The following GAS2L3 variants were observed in gnomAD, a reference collection of about 807,000 sequenced individuals.
GAS2L3 encodes the protein GAS2-like protein 3.
GAS2L3 carries 28 observed loss-of-function variants against 37.0 expected under a neutral mutation model. That is an observed-to-expected ratio of 0.76 (90% CI 0.56 to 1.04). The LOEUF is 1.04. GAS2L3 is among the 50% of genes least tolerant of loss of function. GAS2L3 has a pLI of 0.00. For missense variants in GAS2L3, 793 were observed against 817.6 expected (o/e 0.97, Z 0.37); for synonymous variants, 290 against 296.6 (o/e 0.98, Z 0.23).
At chr12:100,592,108 G>A (rs1372780787) in intron 2 of GAS2L3, among the ~76,000 whole-genome samples, 5 of 151,884 alleles carry the variant, frequency 3.3e-5, no homozygotes, top group Admixed American at 2.0e-4. Flanking sequence ...TGTTCTTACC[G>A]CTTATCTTGA....
At chr12:100,593,375 G>T (rs1955870627) in intron 2 of GAS2L3, among the ~76,000 whole-genome samples, 1 of 152,138 alleles carries the variant, frequency 6.6e-6, no homozygotes, top group Non-Finnish European at 1.5e-5. Context: ...CAAGAAGGAT[G>T]ATTTTAAAAA....
intron 5 of GAS2L3, among the ~76,000 whole-genome samples, chr12:100,605,276 G>T (rs1956042437): frequency 6.6e-6 from 1 of 151,726 alleles, no homozygotes; most frequent in Admixed American, 6.6e-5. Flanking sequence ...CTTGTTATTG[G>T]TCTGTTCAGG....
intron 5 of GAS2L3, among the ~76,000 whole-genome samples, chr12:100,604,144 T>C (rs1452407495): frequency 1.3e-5 from 2 of 152,116 alleles, no homozygotes; most frequent in Non-Finnish European, 2.9e-5. Flanking sequence ...AAAAACATCA[T>C]TGGTATTTTG....
rs1565815011 is a variant in GAS2L3 at position 100,623,579 on chromosome 12, T to C, written c.774T>C (p.His258=). Residue 258 remains histidine (H), a synonymous_variant, in exon 10 of 10, where the codon CAT becomes CAC. Coordinates refer to ENST00000547754, the MANE Select transcript of GAS2L3 (RefSeq NM_174942.3). ...GGGGGCAGATGCTTCATGGAAAACA[T>C]GTCATGGTTCGCGTTGGTGGAGGCT... ...ILFIRMLHGK[H]VMVRVGGGWD... 2 of 1,601,716 alleles carry C rather than the reference T, an allele frequency of 1.2e-6. No individual in the cohort carries two copies. The highest frequency in any genetic ancestry group is 8.5e-7 in the Non-Finnish European group (1 of 1,174,610).
intron 8 of GAS2L3, among the ~76,000 whole-genome samples, chr12:100,620,035 A>C (rs1482045928): frequency 6.6e-6 from 1 of 152,058 alleles, no homozygotes; most frequent in Non-Finnish European, 1.5e-5. Context: ...TTGGCAATGG[A>C]AAATGATGTA....
At position 100,612,061 on chromosome 12, in the gene GAS2L3, G is replaced by T; in HGVS notation, c.365G>T (p.Arg122Leu). Residue 122 changes from arginine (R) to leucine (L), a missense_variant, in exon 6 of 10, where the codon CGG (arginine) becomes CTG (leucine). By Grantham distance (102) the Arg-to-Leu change is moderately radical (BLOSUM62 -2). Coordinates refer to ENST00000547754, the MANE Select transcript of GAS2L3 (RefSeq NM_174942.3). ...KDAASGSFFA[R>L]DNTANFLHWC... Reference sequence around the variant, plus strand: ...GCTGCATCAGGTTCATTCTTTGCTCGGGACAATACCGCAAACTTCCTTCAC... The same window carrying T: ...GCTGCATCAGGTTCATTCTTTGCTCTGGACAATACCGCAAACTTCCTTCAC... The T allele has an allele frequency of 6.2e-7, 1 of 1,611,316 alleles. No individual in the cohort carries two copies. The highest frequency in any genetic ancestry group is 8.5e-7 in the Non-Finnish European group (1 of 1,177,524).
At chr12:100,584,462 C>T (rs568538142) in intron 1 of GAS2L3, among the ~76,000 whole-genome samples, 1 of 152,196 alleles carries the variant, frequency 6.6e-6, no homozygotes, top group Non-Finnish European at 1.5e-5. Context: ...TGATGTCATT[C>T]TTTCCAATGG....
At chr12:100,613,047 C>T (rs74777464) in intron 6 of GAS2L3, among the ~76,000 whole-genome samples, 2,877 of 152,134 alleles carry the variant, frequency 0.019, 76 homozygotes, top group African/African-American at 0.06. Context: ...CTATTTTATC[C>T]CTCTGTTTGC....
chr12:100,617,546 CT>C (rs1956202585), intron 6 of GAS2L3, among the ~76,000 whole-genome samples, 197 bp from the exon 7 acceptor site: 1 of 151,954 alleles, frequency 6.6e-6, no homozygotes, highest in Non-Finnish European at 1.5e-5. Flanking sequence ...TCATTCTGTT[CT>C]TATTAGCTGT....
chr12:100,612,725 A>G (rs575322678), intron 6 of GAS2L3, among the ~76,000 whole-genome samples: 5 of 152,322 alleles, frequency 3.3e-5, no homozygotes, highest in African/African-American at 1.2e-4. Flanking sequence ...GAAAGCATTT[A>G]TATATGTGTA....
rs1174830014 is a variant in GAS2L3, at chr12:100,624,737, G to A, written c.1932G>A (p.Gly644=). ...TVAKSQHSTK[G]PPRSGKTPAS... ...CTAAGAGCCAGCATTCAACTAAAGG[G>A]CCTCCCAGAAGTGGCAAAACCCCAG... is the stretch of plus-strand genomic sequence containing the variant. The change falls in exon 10 of 10, where the codon GGG becomes GGA. Residue 644 remains glycine, a synonymous_variant. Transcript: ENST00000547754. The A allele has an allele frequency of 1.9e-6, 3 of 1,613,798 alleles. No homozygotes were observed. The highest frequency in any genetic ancestry group is 2.7e-5 in the African/African-American group (2 of 74,854).
At chr12:100,585,577 A>T (rs186313258) in intron 1 of GAS2L3, among the ~76,000 whole-genome samples, 1 of 152,260 alleles carries the variant, frequency 6.6e-6, no homozygotes, top group Admixed American at 6.5e-5. Flanking sequence ...TGACCCATGT[A>T]TGCTGTGTAT....
At chr12:100,607,915 C>G (rs2114908) in intron 5 of GAS2L3, among the ~76,000 whole-genome samples, 77,714 of 151,830 alleles carry the variant, frequency 0.51, 20,318 homozygotes, top group South Asian at 0.71. Context: ...CAGGATTGGT[C>G]CCTGGTACCT....
intron 2 of GAS2L3, chr12:100,592,421 C>CA (rs1565801075): frequency 6.6e-6 from 1 of 152,000 alleles, no homozygotes; most frequent in African/African-American, 2.4e-5. Context: ...CCCATCATAC[C>CA]GTATAACGTG....
In GAS2L3 at chr12:100,625,869, A is replaced by G. The variant is rs1956327103; in HGVS notation, c.*979A>G. On this transcript the variant is annotated 3_prime_UTR_variant, in exon 10 of 10. Coordinates refer to ENST00000547754, the MANE Select transcript of GAS2L3 (RefSeq NM_174942.3). ...TTCTATCATGAAATTATTTTTCTCTAGATAGCACAATACCAATTTTAATTA... is the reference window on the plus strand; with the variant it reads ...TTCTATCATGAAATTATTTTTCTCTGGATAGCACAATACCAATTTTAATTA... The G allele has an allele frequency of 6.6e-6, 1 of 152,206 alleles. No homozygotes were observed. Among genetic ancestry groups the G allele is most frequent in the African/African-American group, 2.4e-5 (1 of 41,470 alleles). The allele number at this position is 152,206 out of a possible 1,614,324, so 9.4% of individuals were successfully genotyped here.
intron 1 of GAS2L3, chr12:100,579,741 G>T: frequency 1.4e-6 from 1 of 737,022 alleles, no homozygotes; most frequent in Non-Finnish European, 2.5e-6. Context: ...TACCAGGGTT[G>T]GTGGAATTCC....
At chr12:100,613,946 A>G (rs1386838361) in intron 6 of GAS2L3, among the ~76,000 whole-genome samples, 1 of 152,124 alleles carries the variant, frequency 6.6e-6, no homozygotes, top group African/African-American at 2.4e-5. Flanking sequence ...TCATGCACAT[A>G]TTGCACATGA....
chr12:100,615,691 T>A (rs993095833), intron 6 of GAS2L3, among the ~76,000 whole-genome samples: 1 of 152,198 alleles, frequency 6.6e-6, no homozygotes, highest in African/African-American at 2.4e-5. Flanking sequence ...GGGGTTCAAA[T>A]TCATTCTTTT....
chr12:100,624,533 GA>G lies in GAS2L3; in HGVS notation c.1731del (p.Lys577AsnfsTer7). 6.2e-7 allele frequency: 1 copy of G among 1,614,010 alleles called. No individual in the cohort carries two copies. Among genetic ancestry groups the G allele is most frequent in the Non-Finnish European group, 8.5e-7 (1 of 1,180,014 alleles). On this transcript the variant is annotated frameshift_variant, in exon 10 of 10. Coordinates refer to ENST00000547754, the MANE Select transcript of GAS2L3 (RefSeq NM_174942.3). LOFTEE classifies it low-confidence loss of function (END_TRUNC). ...CAGTTTCTCCTGTAAAAGCCACACA[GA>G]AATCAAAAGATAAGAATATAGTTTC... ...SSVSPVKATQ[K>X]SKDKNIVSAT...
Sources: allele counts gnomAD v4.1 joint callset (sites outside exome capture counted in the v4.1 genomes callset), GRCh38; gene constraint gnomAD v4.1.1; transcripts MANE v1.5; gene names NCBI Gene and HGNC (gene_info 2026-07-23, HGNC 2026-07-21).